KALRN: variants seen among roughly 807,000 people sequenced by gnomAD.
KALRN encodes kalirin.
Under a neutral mutation model 353.7 loss-of-function variants are expected in KALRN, and 70 were observed. The observed-to-expected ratio is 0.20, with a 90% CI of 0.16 to 0.24. The LOEUF is 0.24. Ranked by LOEUF, KALRN falls within the 10% of genes least tolerant of loss-of-function variation. The pLI, the probability that KALRN is intolerant of heterozygous loss-of-function variation, is 1.00. For synonymous variants in KALRN, 1,391 were observed against 1,434.8 expected (o/e 0.97, Z 0.69); for missense variants, 2,791 against 3,756.7 (o/e 0.74, Z 6.72).
Position 124,697,897 on chromosome 3 carries a change from C to T in KALRN, c.7831+173C>T, listed in dbSNP as rs141774078. 6.8e-3 allele frequency among the ~76,000 whole-genome samples: 1,037 copies of T among 152,206 alleles called. 5 individuals are homozygous for T. The highest frequency in any genetic ancestry group is 0.024 in the Middle Eastern group (7 of 294). On this transcript the variant is annotated intron_variant, in intron 55 of 59. Transcript: ENST00000682506. The stretch of plus-strand genomic sequence containing the variant: ...GGCTGGTCTCAAACGCCAGGGCTAA[C>T]GTGATCCTCCCACCTTGGCCTCCCA...
chr3:124,599,248 A>G (rs1176032830), intron 34 of KALRN, among the ~76,000 whole-genome samples: 4 of 152,316 alleles, frequency 2.6e-5, no homozygotes, highest in African/African-American at 9.6e-5. Context: ...ATAAAGCTGG[A>G]TAGCCTTATC....
At chr3:124,581,761 T>C (rs1026932923) in intron 34 of KALRN, among the ~76,000 whole-genome samples, 12 of 152,178 alleles carry the variant, frequency 7.9e-5, no homozygotes, top group African/African-American at 2.4e-4. Flanking sequence ...ATCCATACTA[T>C]GGATCACAAG....
chr3:124,105,771 G>C (rs899174189), intron 1 of KALRN, among the ~76,000 whole-genome samples: 3 of 152,180 alleles, frequency 2.0e-5, no homozygotes, highest in African/African-American at 7.2e-5. Flanking sequence ...TGAGAAATAT[G>C]TCAGAAAATG....
intron 1 of KALRN, among the ~76,000 whole-genome samples, chr3:124,039,226 G>T (rs960654508): frequency 6.6e-6 from 1 of 152,094 alleles, no homozygotes; most frequent in African/African-American, 2.4e-5. Flanking sequence ...CAACCACCCC[G>T]GCACCCTCCA....
At chr3:124,555,761 CA>C (rs2071170558) in intron 33 of KALRN, among the ~76,000 whole-genome samples, 1 of 152,274 alleles carries the variant, frequency 6.6e-6, no homozygotes. Context: ...GCGCATTCAA[CA>C]GATATTTATC....
At chr3:124,717,019 GT>G in intron 58 of KALRN, among the ~76,000 whole-genome samples, 1 of 152,040 alleles carries the variant, frequency 6.6e-6, no homozygotes, top group South Asian at 2.1e-4. Flanking sequence ...CTTAAACAAG[GT>G]TATACACACT....
chr3:124,598,641 GT>G (rs984926468), intron 34 of KALRN, among the ~76,000 whole-genome samples: 1 of 149,856 alleles, frequency 6.7e-6, no homozygotes, highest in African/African-American at 2.4e-5. Flanking sequence ...CGTTTTGTTT[GT>G]TTTTTTGTGT....
At chr3:124,188,321 G>T (rs1434902525) in intron 1 of KALRN, among the ~76,000 whole-genome samples, 1 of 152,176 alleles carries the variant, frequency 6.6e-6, no homozygotes, top group African/African-American at 2.4e-5. Context: ...TGGATTAGAG[G>T]ATGTGAACAT....
intron 8 of KALRN, among the ~76,000 whole-genome samples, chr3:124,333,755 G>C (rs1461193123): frequency 2.0e-5 from 3 of 152,148 alleles, no homozygotes; most frequent in African/African-American, 7.2e-5. Flanking sequence ...AGGTGTGGTG[G>C]CAGGCACCTG....
chr3:124,531,162 C>G (rs1026747171), intron 33 of KALRN, among the ~76,000 whole-genome samples: 1 of 152,124 alleles, frequency 6.6e-6, no homozygotes, highest in Admixed American at 6.6e-5. Flanking sequence ...ACACCAATGA[C>G]CAGAACTAGT....
chr3:124,135,389 G>A (rs1034031900), intron 1 of KALRN, among the ~76,000 whole-genome samples: 3 of 152,068 alleles, frequency 2.0e-5, no homozygotes, highest in Non-Finnish European at 4.4e-5. Flanking sequence ...AGAGTGGGAG[G>A]GGGGCAAGGG....
At chr3:124,663,675 A>G (rs911504093) in intron 45 of KALRN, among the ~76,000 whole-genome samples, 2 of 152,198 alleles carry the variant, frequency 1.3e-5, no homozygotes, top group Non-Finnish European at 2.9e-5. Flanking sequence ...CTAAGCTTTC[A>G]TTATTCCTTT....
intron 1 of KALRN, among the ~76,000 whole-genome samples, chr3:124,099,854 A>G (rs1007161205): frequency 6.6e-6 from 1 of 152,144 alleles, no homozygotes; most frequent in Non-Finnish European, 1.5e-5. Flanking sequence ...GGCCATTTGT[A>G]TGTATTCTTT....
At chr3:124,088,848 G>A (rs2060957660) in intron 1 of KALRN, among the ~76,000 whole-genome samples, 2 of 151,956 alleles carry the variant, frequency 1.3e-5, no homozygotes, top group African/African-American at 2.4e-5. Flanking sequence ...AGTGATCTTC[G>A]CAACTAGTTT....
At chr3:124,049,408 T>A (rs942170793) in intron 1 of KALRN, among the ~76,000 whole-genome samples, 4 of 152,128 alleles carry the variant, frequency 2.6e-5, no homozygotes, top group Non-Finnish European at 5.9e-5. Context: ...CTCTCTTTCC[T>A]CATTCGAAGA....
Position 124,134,217 on chromosome 3 carries a change from A to T in KALRN, c.74-93773A>T, listed in dbSNP as rs1014508710. Among the ~76,000 whole-genome samples the T allele has an allele frequency of 1.4e-4, 22 of 152,218 alleles. 1 individual carries two copies. Among genetic ancestry groups the T allele is most frequent in the Non-Finnish European group, 4.4e-5 (3 of 68,032 alleles). ...AATGGAACAGAATAGAGAACCCAGA[A>T]ATAAACCCAAATACTTACAACCAAC... On this transcript the variant is annotated intron_variant, in intron 1 of 59. Coordinates refer to ENST00000682506, the MANE Select transcript of KALRN (RefSeq NM_001388419.1).
At chr3:124,674,672 A>G (rs1372064836) in intron 49 of KALRN, 58 bp downstream of exon 49, 2 of 1,461,096 alleles carry the variant, frequency 1.4e-6, no homozygotes, top group South Asian at 1.4e-5. Flanking sequence ...ATATTCAGAA[A>G]CAAACAAAAG....
intron 21 of KALRN, among the ~76,000 whole-genome samples, chr3:124,453,438 C>A (rs533009712): frequency 3.9e-5 from 6 of 152,294 alleles, no homozygotes; most frequent in Admixed American, 3.9e-4. Context: ...CTCTCTGACG[C>A]CCTCTTTCTC....
intron 1 of KALRN, among the ~76,000 whole-genome samples, chr3:124,224,216 C>T (rs1414150747): frequency 6.8e-6 from 1 of 147,368 alleles, no homozygotes; most frequent in African/African-American, 2.5e-5. Flanking sequence ...AATGTCTTCT[C>T]AGGCCTTCCA....
Sources: allele counts gnomAD v4.1 joint callset (sites outside exome capture counted in the v4.1 genomes callset), GRCh38; gene constraint gnomAD v4.1.1; transcripts MANE v1.5; gene names NCBI Gene and HGNC (gene_info 2026-07-23, HGNC 2026-07-21).